Variants in FAM184A observed in about 807,000 individuals in gnomAD.
The protein encoded by FAM184A is protein FAM184A.
In FAM184A, 99 loss-of-function variants were observed where a neutral mutation model predicts 143.8. That is an observed-to-expected ratio of 0.69 (90% confidence interval 0.58 to 0.81). The LOEUF (loss-of-function observed/expected upper bound fraction) is 0.81, where lower values mean the gene tolerates loss of function less well. Ranked by LOEUF, FAM184A falls within the 40% of genes least tolerant of loss-of-function variation. The pLI is 0.00. For synonymous variants in FAM184A, 427 were observed against 446.4 expected, an observed-to-expected ratio of 0.96 and a Z score of 0.55; for missense variants, 1,217 against 1,310.5, an observed-to-expected ratio of 0.93 and a Z score of 1.10.
At chr6:119,073,870 C>T (rs1787778490) in intron 1 of FAM184A, among the ~76,000 whole-genome samples, 1 of 152,126 alleles carries the variant, frequency 6.6e-6, no homozygotes. Flanking sequence ...ATGAGTGCTC[C>T]CTATGTGGCC....
intron 9 of FAM184A, among the ~76,000 whole-genome samples, chr6:118,981,303 G>A (rs886460774): frequency 2.0e-5 from 3 of 152,080 alleles, no homozygotes; most frequent in Non-Finnish European, 4.4e-5. Context: ...TTGAAACTAC[G>A]TATCTGTATT....
intron 1 of FAM184A, among the ~76,000 whole-genome samples, chr6:119,095,147 C>T (rs1203907620): frequency 1.3e-5 from 2 of 152,148 alleles, no homozygotes; most frequent in East Asian, 1.9e-4. Context: ...ATCACAAAAG[C>T]CAGTCCCGTA....
chr6:119,085,782 TTTGCTTCTAGGGAGGCCTCAGGAAAC>T (rs1788203114), intron 1 of FAM184A, among the ~76,000 whole-genome samples: 1 of 152,174 alleles, frequency 6.6e-6, no homozygotes, highest in Non-Finnish European at 1.5e-5. Context: ...CATAGAAGCT[TTTGCTTCTAGGGAGGCCTCAGGAAAC>T]TTGCAATCAT....
At chr6:119,081,273 A>G (rs764055684), upstream of FAM184A, among the ~76,000 whole-genome samples, 3 of 152,358 alleles carry the variant, frequency 2.0e-5, no homozygotes, top group Admixed American at 6.5e-5. Flanking sequence ...TGACAAGAAC[A>G]GCATGGGGGA....
At chr6:119,109,666 AG>A (rs1788880252) in intron 1 of FAM184A, among the ~76,000 whole-genome samples, 1 of 152,252 alleles carries the variant, frequency 6.6e-6, no homozygotes, top group Non-Finnish European at 1.5e-5. Flanking sequence ...GACGAATTGA[AG>A]CTGTTAATGA....
At chr6:119,124,280 T>C (rs1397814466) in intron 1 of FAM184A, among the ~76,000 whole-genome samples, 2 of 152,208 alleles carry the variant, frequency 1.3e-5, no homozygotes, top group African/African-American at 4.8e-5. Flanking sequence ...TGAAAACTTC[T>C]TATATATGTC....
chr6:119,137,361 C>T (rs1334096153), intron 1 of FAM184A, among the ~76,000 whole-genome samples: 1 of 152,096 alleles, frequency 6.6e-6, no homozygotes. Context: ...AGAGCTCTTT[C>T]TCCATTTTGT....
intron 5 of FAM184A, among the ~76,000 whole-genome samples, chr6:119,014,924 T>A (rs762329003): frequency 2.0e-5 from 3 of 152,046 alleles, no homozygotes; most frequent in Non-Finnish European, 2.9e-5. Context: ...CCAGGTGTGG[T>A]GGCATGCGCC....
intron 1 of FAM184A, among the ~76,000 whole-genome samples, chr6:119,106,595 T>A (rs1433868428): frequency 6.6e-6 from 1 of 152,250 alleles, no homozygotes; most frequent in Non-Finnish European, 1.5e-5. Context: ...GTCATATGAA[T>A]TATTCAGAGT....
At chr6:118,963,415 T>TAA (rs1783395806) in intron 16 of FAM184A, 1 of 152,160 alleles carries the variant, frequency 6.6e-6, no homozygotes, top group African/African-American at 2.4e-5. Context: ...AAACTAATTA[T>TAA]AATTATTCAT....
At chr6:119,135,866 A>C (rs1394448793) in intron 1 of FAM184A, among the ~76,000 whole-genome samples, 1 of 151,980 alleles carries the variant, frequency 6.6e-6, no homozygotes, top group Non-Finnish European at 1.5e-5. Flanking sequence ...ATTAAAATAT[A>C]TATTATTCTT....
At chr6:118,960,795 G>A (rs760310672) in intron 17 of FAM184A, 26 of 1,365,098 alleles carry the variant, frequency 1.9e-5, no homozygotes, top group Middle Eastern at 2.1e-4. Context: ...TACAAGGCAC[G>A]CAACAATGTG....
upstream of FAM184A, among the ~76,000 whole-genome samples, chr6:119,079,330 CAAAT>C (rs990768123): frequency 3.9e-5 from 6 of 152,070 alleles, no homozygotes; most frequent in Admixed American, 1.3e-4. Context: ...GAGCCCAAGA[CAAAT>C]AGATATGAAA....
intron 1 of FAM184A, among the ~76,000 whole-genome samples, chr6:119,120,613 C>T (rs763931694): frequency 2.0e-5 from 3 of 152,254 alleles, no homozygotes; most frequent in South Asian, 2.1e-4. Flanking sequence ...TTTACAATCC[C>T]GCTAACAACG....
intron 10 of FAM184A, 146 bp from the exon 11 acceptor site, chr6:118,979,664 A>G: frequency 1.6e-6 from 1 of 632,794 alleles, no homozygotes; most frequent in Non-Finnish European, 2.6e-6. Flanking sequence ...ACATAAGATA[A>G]TCAACATTAG....
intron 9 of FAM184A, among the ~76,000 whole-genome samples, chr6:118,994,511 C>T (rs904613804): frequency 2.9e-4 from 44 of 151,484 alleles, no homozygotes; most frequent in African/African-American, 1.0e-3. Context: ...ATGGTGAAAC[C>T]CTGTCTCTAC....
chr6:119,136,150 C>T (rs1447743482), intron 1 of FAM184A, among the ~76,000 whole-genome samples: 33 of 149,832 alleles, frequency 2.2e-4, no homozygotes, highest in Admixed American at 3.3e-4. Context: ...CGGTGGCGGG[C>T]GCCTGTAGTC....
At chr6:119,091,490 G>A (rs893124616) in intron 1 of FAM184A, among the ~76,000 whole-genome samples, 2 of 152,162 alleles carry the variant, frequency 1.3e-5, no homozygotes, top group African/African-American at 2.4e-5. Flanking sequence ...TGGATACTGT[G>A]GTATATGGTA....
chr6:118,962,046 GCA>G, intron 16 of FAM184A, 83 bp from the exon 17 acceptor site: 1 of 1,420,760 alleles, frequency 7.0e-7, no homozygotes, highest in Middle Eastern at 1.8e-4. Flanking sequence ...TAGAAATTTG[GCA>G]TGGGAAAATT....
Sources: allele counts gnomAD v4.1 joint callset (sites outside exome capture counted in the v4.1 genomes callset), GRCh38; gene constraint gnomAD v4.1.1; transcripts MANE v1.5; gene names NCBI Gene and HGNC (gene_info 2026-07-23, HGNC 2026-07-21).